Variants in INVS observed in about 807,000 individuals in gnomAD.
The protein encoded by INVS is inversion of embryo turning homolog.
A neutral mutation model predicts 108.8 loss-of-function variants in INVS; 86 were observed. The observed-to-expected ratio is 0.79, with a 90% CI of 0.66 to 0.95. The LOEUF is 0.95. INVS is among the 40% of genes least tolerant of loss of function. The pLI, the probability that INVS is intolerant of heterozygous loss-of-function variation, is 0.00. For synonymous variants in INVS, 455 were observed against 473.5 expected (o/e 0.96, Z 0.51); for missense variants, 1,169 against 1,297.4 (o/e 0.90, Z 1.52).
At chr9:100,268,338 A>G (rs1832854589) in intron 11 of INVS, among the ~76,000 whole-genome samples, 1 of 152,234 alleles carries the variant, frequency 6.6e-6, no homozygotes, top group African/African-American at 2.4e-5. Context: ...TCTTCAAAGC[A>G]AAATTAGGAA....
chr9:100,178,692 A>G (rs1369961562), intron 3 of INVS, among the ~76,000 whole-genome samples: 2 of 152,216 alleles, frequency 1.3e-5, no homozygotes, highest in Non-Finnish European at 1.5e-5. Context: ...GACGGGGAGA[A>G]TGGAACCAAA....
At chr9:100,121,559 G>T (rs1452508169) in intron 2 of INVS, among the ~76,000 whole-genome samples, 2 of 152,252 alleles carry the variant, frequency 1.3e-5, no homozygotes, top group Non-Finnish European at 2.9e-5. Flanking sequence ...GCTTTGTAGT[G>T]ATGTCATTCT....
chr9:100,264,936 G>A lies in INVS; in HGVS notation c.1571+8G>A. On this transcript the variant is annotated splice_region_variant and intron_variant, in intron 11 of 16. Coordinates refer to ENST00000262457, the MANE Select transcript of INVS (RefSeq NM_014425.5). ...GGAAAACAATGAAGAGAGGTAAGTT[G>A]TTGTTGACTTTTTTTTTTTTTTTTG... The A allele has an allele frequency of 6.8e-7, 1 of 1,460,162 alleles. No individual in the cohort carries two copies. 90.5% of individuals were successfully genotyped at this position (1,460,162 alleles called of 1,614,324 possible). A position where few individuals can be genotyped will look rare whatever the true frequency, so the allele number is the denominator to read the frequency against.
chr9:100,130,395 C>T (rs1422706756), intron 3 of INVS: 1 of 151,986 alleles, frequency 6.6e-6, no homozygotes. Flanking sequence ...AGTGGAGATA[C>T]ATAGATTGCT....
At chr9:100,283,120 G>A (rs1404966644) in intron 12 of INVS, among the ~76,000 whole-genome samples, 1 of 152,034 alleles carries the variant, frequency 6.6e-6, no homozygotes, top group Admixed American at 6.5e-5. Flanking sequence ...ACCAGCCTGG[G>A]CAACAAAGTG....
intron 3 of INVS, among the ~76,000 whole-genome samples, chr9:100,183,946 T>C (rs1010909258): frequency 1.3e-4 from 20 of 151,914 alleles, no homozygotes; most frequent in African/African-American, 4.1e-4. Flanking sequence ...ATAGGTATAA[T>C]ACATATATAT....
intron 3 of INVS, among the ~76,000 whole-genome samples, chr9:100,204,840 G>T (rs1830630266): frequency 6.6e-6 from 1 of 151,982 alleles, no homozygotes; most frequent in East Asian, 1.9e-4. Context: ...ATTTTGGCAT[G>T]ATATTTTTTG....
intron 3 of INVS, among the ~76,000 whole-genome samples, chr9:100,153,005 T>TTGTGTG (rs60860854): frequency 0.12 from 18,002 of 149,156 alleles, 1,219 homozygotes; most frequent in African/African-American, 0.18. Context: ...TGTTAACTAA[T>TTGTGTG]TGTGTGTGTG....
chr9:100,224,842 C>G (rs906285422), intron 3 of INVS, among the ~76,000 whole-genome samples: 1 of 151,784 alleles, frequency 6.6e-6, no homozygotes, highest in East Asian at 2.0e-4. Flanking sequence ...TCTAGAACTC[C>G]TGACCTCGTG....
At chr9:100,213,687 C>T (rs1008238608) in intron 3 of INVS, among the ~76,000 whole-genome samples, 1 of 152,148 alleles carries the variant, frequency 6.6e-6, no homozygotes, top group Non-Finnish European at 1.5e-5. Flanking sequence ...AAAGAATGAG[C>T]ACCACGTCTA....
rs748672381 is a variant in INVS, at chr9:100,292,881, A to G, written c.2624A>G (p.Lys875Arg). 1 of 1,614,164 alleles carries G rather than the reference A, an allele frequency of 6.2e-7. No homozygotes were observed. The highest frequency in any genetic ancestry group is 2.2e-5 in the East Asian group (1 of 44,872). The change falls in exon 14 of 17, where the codon AAG becomes AGG. Residue 875 changes from lysine (K) to arginine (R), a missense_variant. Physicochemically the swap from Lys to Arg is conservative, Grantham distance 26 (BLOSUM62 2). Around this residue, in one of 3 missense-constraint regions of INVS, gnomAD observed 533 missense variants for 536.0 expected, o/e 0.99. Transcript: ENST00000262457. ...CTGTCCGAGGACTTTCAGGTATCTAAGGAGACTGATCCAGCACCTGGTCCC... is the reference window on the plus strand; with the variant it reads ...CTGTCCGAGGACTTTCAGGTATCTAGGGAGACTGATCCAGCACCTGGTCCC... ...STLSEDFQVS[K>R]ETDPAPGPLS... is the part of the protein sequence containing the mutation.
At chr9:100,237,940 G>A (rs185191483) in intron 5 of INVS, among the ~76,000 whole-genome samples, 8 of 152,250 alleles carry the variant, frequency 5.3e-5, no homozygotes, top group African/African-American at 1.9e-4. Context: ...GTGCAGTGAT[G>A]TGATCTCAGC....
intron 12 of INVS, among the ~76,000 whole-genome samples, chr9:100,273,527 C>CTTTT (rs58458085): frequency 5.2e-5 from 5 of 96,278 alleles, no homozygotes; most frequent in African/African-American, 9.2e-5. Flanking sequence ...CCACTCAGTT[C>CTTTT]TTTTTTTTTT....
At chr9:100,226,824 A>G (rs1831340102) in intron 4 of INVS, among the ~76,000 whole-genome samples, 1 of 151,484 alleles carries the variant, frequency 6.6e-6, no homozygotes, top group Non-Finnish European at 1.5e-5. Flanking sequence ...AAAAAAAAAA[A>G]AAAAAAAAAA....
intron 3 of INVS, among the ~76,000 whole-genome samples, chr9:100,153,569 G>A (rs1475203515): frequency 1.3e-5 from 2 of 152,176 alleles, no homozygotes; most frequent in Middle Eastern, 3.2e-3. Flanking sequence ...AGGGAAATGA[G>A]CATTCACATA....
chr9:100,235,264 G>A (rs917181481), intron 5 of INVS, among the ~76,000 whole-genome samples: 1 of 151,264 alleles, frequency 6.6e-6, no homozygotes, highest in Admixed American at 6.6e-5. Flanking sequence ...GTGTGTCTTT[G>A]CACATGAGAT....
At chr9:100,249,247 A>G (rs1467840927) in intron 8 of INVS, among the ~76,000 whole-genome samples, 1 of 152,152 alleles carries the variant, frequency 6.6e-6, no homozygotes, top group Non-Finnish European at 1.5e-5. Flanking sequence ...TAAGTATTTC[A>G]GGTACCTCTA....
At chr9:100,225,570 A>C (rs2118399750) in intron 3 of INVS, among the ~76,000 whole-genome samples, 1 of 152,352 alleles carries the variant, frequency 6.6e-6, no homozygotes, top group African/African-American at 2.4e-5. Context: ...TGTTGGTCAA[A>C]ATGTGCTGAA....
At chr9:100,145,518 T>C (rs896493296) in intron 3 of INVS, among the ~76,000 whole-genome samples, 2 of 151,690 alleles carry the variant, frequency 1.3e-5, no homozygotes, top group Non-Finnish European at 2.9e-5. Flanking sequence ...AGGGGGTTCT[T>C]GCCCCCTAGA....
Sources: gnomAD v4.1 joint callset for allele counts (sites outside exome capture counted in the v4.1 genomes callset) on GRCh38, gnomAD v4.1.1 for gene constraint, gnomAD v4.1.1 regional missense constraint, MANE v1.5 for transcripts, NCBI Gene and HGNC (gene_info 2026-07-23, HGNC 2026-07-21) for gene names.